Variants in QTMAN observed in about 807,000 individuals in gnomAD.
QTMAN encodes the protein tRNA-queuosine alpha-mannosyltransferase.
At chr2:144,162,400 AAGG>A in the QTMAN span, among the ~76,000 whole-genome samples, 3 of 152,202 alleles carry the variant, frequency 2.0e-5, no homozygotes, top group Non-Finnish European at 4.4e-5. Flanking sequence ...TAAAGATTTC[AAGG>A]AGAAGTCTTG....
chr2:143,973,124 T>A, the QTMAN span, among the ~76,000 whole-genome samples: 265 of 152,308 alleles, frequency 1.7e-3, 1 homozygote, highest in Non-Finnish European at 3.4e-3. Context: ...TAAGTGGGTT[T>A]TTTTTTCTTT....
At chr2:144,140,276 T>C in the QTMAN span, among the ~76,000 whole-genome samples, 1 of 152,072 alleles carries the variant, frequency 6.6e-6, no homozygotes, top group Non-Finnish European at 1.5e-5. Context: ...GCCACAGGTA[T>C]ATTAAACATA....
the QTMAN span, among the ~76,000 whole-genome samples, chr2:144,244,584 T>TA: frequency 2.6e-5 from 4 of 152,202 alleles, no homozygotes; most frequent in Non-Finnish European, 5.9e-5. Flanking sequence ...TCACACACAT[T>TA]AAACTAGGAT....
At chr2:144,129,426 T>C in the QTMAN span, among the ~76,000 whole-genome samples, 5 of 152,074 alleles carry the variant, frequency 3.3e-5, no homozygotes, top group Non-Finnish European at 5.9e-5. Context: ...TGCTAAAATG[T>C]TATTTCTTCT....
At chr2:144,169,078 T>C in the QTMAN span, among the ~76,000 whole-genome samples, 2 of 152,152 alleles carry the variant, frequency 1.3e-5, no homozygotes, top group Non-Finnish European at 2.9e-5. Context: ...ATGTCCCTTA[T>C]AATAAAGATA....
the QTMAN span, among the ~76,000 whole-genome samples, chr2:144,183,909 T>G: frequency 6.6e-6 from 1 of 152,162 alleles, no homozygotes; most frequent in Non-Finnish European, 1.5e-5. Flanking sequence ...ACGTGGCGCT[T>G]AGAGCTCATT....
the QTMAN span, among the ~76,000 whole-genome samples, chr2:144,263,221 G>C: frequency 6.7e-6 from 1 of 149,504 alleles, no homozygotes; most frequent in Non-Finnish European, 1.5e-5. Flanking sequence ...TAAGATCTAA[G>C]ACATTTAAAA....
At chr2:144,225,481 T>C in the QTMAN span, among the ~76,000 whole-genome samples, 1 of 152,180 alleles carries the variant, frequency 6.6e-6, no homozygotes, top group African/African-American at 2.4e-5. Context: ...TAACAAGAAA[T>C]AAGACCCCTT....
chr2:144,127,106 G>A, the QTMAN span, among the ~76,000 whole-genome samples: 1 of 151,710 alleles, frequency 6.6e-6, no homozygotes, highest in African/African-American at 2.4e-5. Flanking sequence ...AACCCAACCC[G>A]CACATTCAGG....
chr2:144,056,928 G>A, the QTMAN span, among the ~76,000 whole-genome samples: 6 of 152,186 alleles, frequency 3.9e-5, no homozygotes, highest in African/African-American at 1.2e-4. Flanking sequence ...TTTTGCGATA[G>A]CAAAACTATC....
chr2:143,947,934 G>T, the QTMAN span, among the ~76,000 whole-genome samples: 1 of 152,066 alleles, frequency 6.6e-6, no homozygotes, highest in African/African-American at 2.4e-5. Flanking sequence ...GGGAGAGAGA[G>T]AAAGAGTGAG....
chr2:144,099,902 C>G, the QTMAN span, among the ~76,000 whole-genome samples: 1 of 152,336 alleles, frequency 6.6e-6, no homozygotes, highest in African/African-American at 2.4e-5. Context: ...GCTTTGTAAA[C>G]TAGAACATGG....
chr2:144,259,744 C>G, the QTMAN span, among the ~76,000 whole-genome samples: 1 of 152,046 alleles, frequency 6.6e-6, no homozygotes, highest in Admixed American at 6.6e-5. Context: ...AATTCAGGGT[C>G]TAAGAAAAGA....
the QTMAN span, among the ~76,000 whole-genome samples, chr2:144,214,648 C>A: frequency 6.6e-6 from 1 of 151,996 alleles, no homozygotes; most frequent in Non-Finnish European, 1.5e-5. Context: ...TAATGTATAC[C>A]CCCCTCAATG....
chr2:144,138,275 G>A, the QTMAN span, among the ~76,000 whole-genome samples: 1 of 152,010 alleles, frequency 6.6e-6, no homozygotes, highest in African/African-American at 2.4e-5. Context: ...TGGTGACCCT[G>A]ACTAAAACTA....
At chr2:144,332,050 C>T in the QTMAN span, among the ~76,000 whole-genome samples, 1 of 152,242 alleles carries the variant, frequency 6.6e-6, no homozygotes, top group Non-Finnish European at 1.5e-5. Context: ...CGTGCCCCCA[C>T]CCGTCCTCTC....
chr2:144,005,865 T>A, the QTMAN span: 1 of 152,134 alleles, frequency 6.6e-6, no homozygotes, highest in African/African-American at 2.4e-5. Context: ...AAAAGCAGAC[T>A]AGAAATTATT....
chr2:143,982,853 CAAAAAAAAAAA>C, the QTMAN span, among the ~76,000 whole-genome samples: 90 of 61,018 alleles, frequency 1.5e-3, 1 homozygote, highest in African/African-American at 4.5e-3. Flanking sequence ...GACTCTGTCT[CAAAAAAAAAAA>C]AAAAAAAAAA....
the QTMAN span, among the ~76,000 whole-genome samples, chr2:144,142,311 C>T: frequency 2.6e-5 from 4 of 151,994 alleles, no homozygotes; most frequent in East Asian, 7.8e-4. Context: ...AATGGGATCG[C>T]ATGAGACTCC....
Sources: gnomAD v4.1 joint callset for allele counts (sites outside exome capture counted in the v4.1 genomes callset) on GRCh38, gnomAD v4.1.1 for gene constraint, MANE v1.5 for transcripts, NCBI Gene and HGNC (gene_info 2026-07-23, HGNC 2026-07-21) for gene names.